Variants in NRXN1 observed in about 807,000 individuals in gnomAD.
NRXN1 encodes the protein neurexin-1.
NRXN1 carries 39 observed loss-of-function variants against 150.9 expected under a neutral mutation model. The ratio of observed to expected loss-of-function variants is 0.26; its 90% CI spans 0.20 to 0.34. The LOEUF is 0.34. Ranked by LOEUF, NRXN1 falls within the 10% of genes least tolerant of loss-of-function variation. The pLI, the probability that NRXN1 is intolerant of heterozygous loss-of-function variation, is 1.00. For synonymous variants in NRXN1, 924 were observed against 757.0 expected (o/e 1.22, Z -3.62); for missense variants, 1,815 against 1,949.9 (o/e 0.93, Z 1.30).
intron 19 of NRXN1, among the ~76,000 whole-genome samples, chr2:50,057,002 C>A (rs1312751883): frequency 6.6e-6 from 1 of 152,070 alleles, no homozygotes; most frequent in East Asian, 1.9e-4. Context: ...GGTCGCAAAT[C>A]CCTCTTGCCC....
At chr2:50,201,051 T>C (rs1398369095) in intron 18 of NRXN1, among the ~76,000 whole-genome samples, 1 of 152,166 alleles carries the variant, frequency 6.6e-6, no homozygotes, top group African/African-American at 2.4e-5. Flanking sequence ...CTGAGGCCAG[T>C]ATTTTAATAT....
chr2:50,305,252 C>G (rs1422790535), intron 17 of NRXN1, among the ~76,000 whole-genome samples: 1 of 152,142 alleles, frequency 6.6e-6, no homozygotes, highest in Non-Finnish European at 1.5e-5. Context: ...AGTTACAGAG[C>G]TTTCAACTTT....
At chr2:50,567,630 C>T (rs1670070804) in intron 8 of NRXN1, among the ~76,000 whole-genome samples, 1 of 152,028 alleles carries the variant, frequency 6.6e-6, no homozygotes, top group Non-Finnish European at 1.5e-5. Context: ...TAGAGCCCTG[C>T]AATACAATAT....
At chr2:50,161,517 G>T (rs1279038386) in intron 18 of NRXN1, among the ~76,000 whole-genome samples, 2 of 152,166 alleles carry the variant, frequency 1.3e-5, no homozygotes, top group Admixed American at 1.3e-4. Flanking sequence ...CTCCTGTTAA[G>T]ATGATCTTAC....
chr2:50,597,956 T>C (rs1675509292), intron 8 of NRXN1, among the ~76,000 whole-genome samples: 1 of 152,022 alleles, frequency 6.6e-6, no homozygotes, highest in Non-Finnish European at 1.5e-5. Flanking sequence ...CTGGCCAATA[T>C]GGTGAAACGT....
intron 21 of NRXN1, among the ~76,000 whole-genome samples, chr2:50,037,639 GA>G (rs1237252497): frequency 6.6e-6 from 1 of 152,216 alleles, no homozygotes; most frequent in Non-Finnish European, 1.5e-5. Context: ...CATCAGAAGT[GA>G]ATGACAATGC....
intron 17 of NRXN1, among the ~76,000 whole-genome samples, chr2:50,331,023 C>T (rs899941195): frequency 6.6e-6 from 1 of 151,818 alleles, no homozygotes; most frequent in Non-Finnish European, 1.5e-5. Flanking sequence ...AAAAAGAATG[C>T]AAAATTATAA....
chr2:50,310,373 A>T (rs13416474), intron 17 of NRXN1, among the ~76,000 whole-genome samples: 8 of 152,016 alleles, frequency 5.3e-5, no homozygotes, highest in African/African-American at 1.9e-4. Flanking sequence ...ATAACTAACT[A>T]CAATTCAATA....
intron 17 of NRXN1, among the ~76,000 whole-genome samples, chr2:50,297,178 C>T (rs537918502): frequency 2.7e-4 from 41 of 152,254 alleles, no homozygotes; most frequent in African/African-American, 7.9e-4. Context: ...CGTGAGCCAC[C>T]GCACCCGGCT....
intron 5 of NRXN1, among the ~76,000 whole-genome samples, chr2:50,810,902 C>T (rs1329809246): frequency 1.3e-5 from 2 of 151,938 alleles, no homozygotes; most frequent in East Asian, 1.9e-4. Context: ...ATCAGTTGAA[C>T]TCGAGAGGCG....
chr2:50,067,838 C>G (rs1251912927), intron 19 of NRXN1, among the ~76,000 whole-genome samples: 1 of 152,166 alleles, frequency 6.6e-6, no homozygotes, highest in Non-Finnish European at 1.5e-5. Flanking sequence ...ACATTTAAAC[C>G]TATCCGCTCT....
At chr2:51,014,014 G>A (rs983059037) in intron 2 of NRXN1, among the ~76,000 whole-genome samples, 1 of 151,956 alleles carries the variant, frequency 6.6e-6, no homozygotes, top group Non-Finnish European at 1.5e-5. Flanking sequence ...CATTTTTTAA[G>A]CCACTAGATA....
chr2:50,986,667 A>C (rs571638227), intron 2 of NRXN1, among the ~76,000 whole-genome samples: 1 of 151,836 alleles, frequency 6.6e-6, no homozygotes, highest in African/African-American at 2.4e-5. Context: ...ATATCTGTAA[A>C]AATATCTAGG....
intron 5 of NRXN1, among the ~76,000 whole-genome samples, chr2:50,779,766 G>T: frequency 6.6e-6 from 1 of 151,156 alleles, no homozygotes; most frequent in Non-Finnish European, 1.5e-5. Flanking sequence ...GGACTCCGTC[G>T]CAAAAATAAA....
At chr2:50,739,848 T>A (rs1699219154) in intron 5 of NRXN1, among the ~76,000 whole-genome samples, 1 of 152,164 alleles carries the variant, frequency 6.6e-6, no homozygotes, top group Non-Finnish European at 1.5e-5. Context: ...GTGGAGTTAT[T>A]CAGGCATATG....
At chr2:50,455,927 G>T (rs866076990) in intron 17 of NRXN1, among the ~76,000 whole-genome samples, 1 of 152,114 alleles carries the variant, frequency 6.6e-6, no homozygotes, top group Non-Finnish European at 1.5e-5. Context: ...TGTCAGCATT[G>T]CCCTGAACTG....
At chr2:50,369,628 T>C (rs373259042) in intron 17 of NRXN1, among the ~76,000 whole-genome samples, 1 of 152,026 alleles carries the variant, frequency 6.6e-6, no homozygotes, top group Non-Finnish European at 1.5e-5. Flanking sequence ...TTTCTGACTA[T>C]AATTTCCCTC....
intron 18 of NRXN1, among the ~76,000 whole-genome samples, chr2:50,199,917 C>G (rs925127294): frequency 2.4e-4 from 36 of 152,210 alleles, no homozygotes; most frequent in Admixed American, 1.8e-3. Flanking sequence ...TAGAACACTA[C>G]AATTTTATTA....
At position 50,178,185 on chromosome 2, in the gene NRXN1, G is replaced by A. The variant is rs1409368374; in HGVS notation, c.3546+58604C>T. On this transcript the variant is annotated intron_variant, in intron 18 of 22. Transcript: ENST00000401669. ...CTAAGTTACATTCTAAAATCGATATGAGCTGCAATTCTGAGAACAACTTGG... is the reference window on the plus strand; with the variant it reads ...CTAAGTTACATTCTAAAATCGATATAAGCTGCAATTCTGAGAACAACTTGG... 5.9e-5 allele frequency among the ~76,000 whole-genome samples: 9 copies of A among 152,172 alleles called. No individual in the cohort carries two copies. In the South Asian group the frequency reaches 1.2e-3, roughly 21 times the overall value.
Sources: allele counts gnomAD v4.1 joint callset (sites outside exome capture counted in the v4.1 genomes callset), GRCh38; gene constraint gnomAD v4.1.1; transcripts MANE v1.5; gene names NCBI Gene and HGNC (gene_info 2026-07-23, HGNC 2026-07-21).